The following ZNF664 variants were observed in gnomAD, a reference collection of about 807,000 sequenced individuals.
The protein encoded by ZNF664 is zinc finger Organ of Corti 1.
In ZNF664, 10 loss-of-function variants were observed where a neutral mutation model predicts 18.2. The ratio of observed to expected loss-of-function variants is 0.55; its 90% CI spans 0.34 to 0.93. The LOEUF is 0.93. Among genes scored for constraint, ZNF664 ranks in the 40% least tolerant of loss-of-function variants. ZNF664 has a pLI of 0.02. For missense variants in ZNF664, 193 were observed against 319.0 expected (o/e 0.61, Z 3.01); for synonymous variants, 119 against 104.2 (o/e 1.14, Z -0.86).
intron 3 of ZNF664, among the ~76,000 whole-genome samples, chr12:123,989,082 A>G (rs1468554163): frequency 1.3e-5 from 2 of 152,146 alleles, no homozygotes; most frequent in Non-Finnish European, 2.9e-5. Flanking sequence ...CCATGCAACA[A>G]GGAGGATTGG....
chr12:123,982,287 CAG>C (rs1385717341), intron 2 of ZNF664, among the ~76,000 whole-genome samples: 1 of 152,184 alleles, frequency 6.6e-6, no homozygotes, highest in African/African-American at 2.4e-5. Context: ...GCCAAGGTAA[CAG>C]AAGTCATTAG....
rs951449181 is a variant in ZNF664 at position 124,013,246 on chromosome 12, G to C, written c.*316G>C. Reference sequence around the variant, plus strand: ...AGCCACAATCATTGCCCGGCCTCCTGAGTCACCTTCTATCTATACTTTGCT... The same window carrying C: ...AGCCACAATCATTGCCCGGCCTCCTCAGTCACCTTCTATCTATACTTTGCT... On this transcript the variant is annotated 3_prime_UTR_variant, in exon 5 of 5. Transcript: ENST00000337815. 2.7e-5 allele frequency: 10 copies of C among 371,360 alleles called. No homozygotes were observed. The highest frequency in any genetic ancestry group is 4.6e-5 in the Non-Finnish European group (9 of 197,218). The allele number at this position is 371,360 out of a possible 1,614,324, so 23.0% of individuals were successfully genotyped here.
intron 3 of ZNF664, among the ~76,000 whole-genome samples, chr12:124,002,411 G>A (rs1215616702): frequency 2.0e-5 from 3 of 152,198 alleles, no homozygotes; most frequent in African/African-American, 7.2e-5. Context: ...GGGCAGTGAC[G>A]TTCTCTAACT....
rs1297777331 is a variant in ZNF664, at chr12:124,012,072, G to A, written c.-73G>A. On this transcript the variant is annotated 5_prime_UTR_variant, in exon 5 of 5. An upstream start codon of the reference 5' UTR is lost. Transcript: ENST00000337815. ...AAAATGGCCAAATAAGAGACTCTATGAAATAACAGTCTTGTAACTGTAGTA... is the reference window on the plus strand; with the variant it reads ...AAAATGGCCAAATAAGAGACTCTATAAAATAACAGTCTTGTAACTGTAGTA... The A allele has an allele frequency of 2.0e-6, 3 of 1,515,416 alleles. No individual in the cohort carries two copies. In the African/African-American group the frequency reaches 4.2e-5, roughly 21 times the overall value. The allele number at this position is 1,515,416 out of a possible 1,614,324, so 93.9% of individuals were successfully genotyped here. A position where few individuals can be genotyped will look rare whatever the true frequency, so the allele number is the denominator to read the frequency against.
At chr12:124,002,641 T>C (rs1322322012) in intron 3 of ZNF664, among the ~76,000 whole-genome samples, 3 of 152,030 alleles carry the variant, frequency 2.0e-5, no homozygotes, top group African/African-American at 7.2e-5. Context: ...TGATTTGCAC[T>C]GGTGGGGCTG....
chr12:123,979,676 A>G (rs1956737659), intron 2 of ZNF664, among the ~76,000 whole-genome samples: 1 of 151,826 alleles, frequency 6.6e-6, no homozygotes. Flanking sequence ...TTTTTGTGGG[A>G]TTTTTTGTTT....
Position 124,012,326 on chromosome 12 carries a change from G to A in ZNF664, c.182G>A (p.Cys61Tyr). 1 of 1,614,260 alleles carries A rather than the reference G, an allele frequency of 6.2e-7. No homozygotes were observed. Among genetic ancestry groups the A allele is most frequent in the Non-Finnish European group, 8.5e-7 (1 of 1,180,044 alleles). Residue 61 changes from cysteine to tyrosine, a missense_variant, in exon 5 of 5, where the codon TGT becomes TAT. Around this residue, in one of 3 missense-constraint regions of ZNF664, gnomAD observed 90 missense variants for 118.9 expected, o/e 0.76. Transcript: ENST00000337815. ...CATACAGGAGAGAAGGTCTATAAAT[G>A]TGATGATTGTGGTAAGGATTTTAGC... is the stretch of plus-strand genomic sequence containing the variant. ...RDHTGEKVYK[C>Y]DDCGKDFSTT...
intron 3 of ZNF664, among the ~76,000 whole-genome samples, chr12:124,007,246 TGAA>T (rs1429162880): frequency 6.6e-6 from 1 of 152,216 alleles, no homozygotes; most frequent in Non-Finnish European, 1.5e-5. Context: ...GCCTGATGCC[TGAA>T]GAAGAACTCT....
chr12:123,988,170 T>C, intron 3 of ZNF664, 32 bp downstream of exon 3: 1 of 1,231,092 alleles, frequency 8.1e-7, no homozygotes, highest in Non-Finnish European at 1.0e-6. Flanking sequence ...CCATTTGTCC[T>C]AGATGGAGAA....
rs1025690360 is a variant in ZNF664, at chr12:124,013,083, A to G, written c.*153A>G. On this transcript the variant is annotated 3_prime_UTR_variant, in exon 5 of 5. Coordinates refer to ENST00000337815, the MANE Select transcript of ZNF664 (RefSeq NM_152437.3). ...ATATGTGAGATTGATTTGTTGGTTC[A>G]TGCCAAGTGTGTTCCACAGGTTGAC... 12 of 1,075,972 alleles carry G rather than the reference A, an allele frequency of 1.1e-5. No homozygotes were observed. The African/African-American group carries it at 1.5e-4, about 13-fold the overall frequency. The allele number at this position is 1,075,972 out of a possible 1,614,324, so 66.7% of individuals were successfully genotyped here.
rs1957139727 is a variant in ZNF664, at chr12:124,011,976, G to A, written c.-169G>A. The A allele has an allele frequency of 7.0e-7, 1 of 1,429,124 alleles. No individual in the cohort carries two copies. Among genetic ancestry groups the A allele is most frequent in the Non-Finnish European group, 9.1e-7 (1 of 1,100,484 alleles). The allele number at this position is 1,429,124 out of a possible 1,614,324, so 88.5% of individuals were successfully genotyped here. A position where few individuals can be genotyped will look rare whatever the true frequency, so the allele number is the denominator to read the frequency against. ...ACTATGCAGGAAGAAACCTTCCGTA[G>A]AAAGACAGGCAGGGAAAAGCTTAGG... On this transcript the variant is annotated 5_prime_UTR_variant, in exon 5 of 5. Transcript: ENST00000337815.
intron 3 of ZNF664, among the ~76,000 whole-genome samples, chr12:124,008,591 C>A (rs1237499891): frequency 6.6e-6 from 1 of 152,176 alleles, no homozygotes; most frequent in African/African-American, 2.4e-5. Flanking sequence ...TGCTTCTCTC[C>A]ATTTAATTAC....
chr12:124,000,623 C>T (rs2138416532), intron 3 of ZNF664, among the ~76,000 whole-genome samples: 1 of 152,192 alleles, frequency 6.6e-6, no homozygotes, highest in South Asian at 2.1e-4. Context: ...ATAAAGACAG[C>T]ACATGACAAC....
At chr12:123,980,573 A>G (rs1956752714) in intron 2 of ZNF664, among the ~76,000 whole-genome samples, 1 of 152,224 alleles carries the variant, frequency 6.6e-6, no homozygotes, top group Non-Finnish European at 1.5e-5. Context: ...CCTATATCAT[A>G]TATTTAGTGG....
At chr12:123,979,602 A>C (rs1215465365) in intron 2 of ZNF664, among the ~76,000 whole-genome samples, 1 of 152,226 alleles carries the variant, frequency 6.6e-6, no homozygotes, top group Non-Finnish European at 1.5e-5. Context: ...TATAATGAAA[A>C]ATTGAAGATA....
intron 2 of ZNF664, among the ~76,000 whole-genome samples, chr12:123,977,706 A>G (rs1024554859): frequency 2.0e-4 from 31 of 152,304 alleles, no homozygotes; most frequent in Admixed American, 5.9e-4. Flanking sequence ...CTTATGAGTA[A>G]TGAGGTGAGA....
At chr12:124,006,119 G>A (rs1166121536) in intron 3 of ZNF664, 2 of 152,396 alleles carry the variant, frequency 1.3e-5, no homozygotes, top group Non-Finnish European at 2.9e-5. Context: ...CCCAGTCAAG[G>A]TGATTAGTCT....
intron 3 of ZNF664, among the ~76,000 whole-genome samples, chr12:124,000,141 TGG>T: frequency 6.6e-6 from 1 of 152,188 alleles, no homozygotes; most frequent in East Asian, 1.9e-4. Context: ...AACTGAGCCC[TGG>T]GCCAAATCCA....
In ZNF664 at chr12:124,013,455, A is replaced by G. The variant is rs182809191; in HGVS notation, c.*525A>G. 5.8e-6 allele frequency: 1 copy of G among 171,402 alleles called. No homozygotes were observed. The highest frequency in any genetic ancestry group is 2.4e-5 in the African/African-American group (1 of 41,580). The allele number at this position is 171,402 out of a possible 1,614,324, so 10.6% of individuals were successfully genotyped here. On this transcript the variant is annotated 3_prime_UTR_variant, in exon 5 of 5. Transcript: ENST00000337815. The stretch of plus-strand genomic sequence containing the variant: ...CATATATCCTATTATTTCTGAATAT[A>G]TGTCCTCAAAATCCCCATAAATATC...
Sources: gnomAD v4.1 joint callset for allele counts (sites outside exome capture counted in the v4.1 genomes callset) on GRCh38, gnomAD v4.1.1 for gene constraint, gnomAD v4.1.1 regional missense constraint, MANE v1.5 for transcripts, NCBI Gene and HGNC (gene_info 2026-07-23, HGNC 2026-07-21) for gene names.